CABCOCO1: variants seen among roughly 807,000 people sequenced by gnomAD.
CABCOCO1 encodes the protein ciliary-associated calcium-binding coiled-coil protein 1.
Under a neutral mutation model 35.7 loss-of-function variants are expected in CABCOCO1, and 28 were observed. The ratio of observed to expected loss-of-function variants is 0.78; its 90% confidence interval spans 0.58 to 1.07. CABCOCO1 has a LOEUF of 1.07. CABCOCO1 is among the 50% of genes least tolerant of loss of function. The pLI is 0.00. For missense variants in CABCOCO1, 326 were observed against 309.2 expected (o/e 1.05, Z -0.41); for synonymous variants, 95 against 100.1 (o/e 0.95, Z 0.30).
At chr10:61,761,104 G>C in intron 7 of CABCOCO1, 101 bp downstream of exon 7, 1 of 1,251,120 alleles carries the variant, frequency 8.0e-7, no homozygotes. Flanking sequence ...CAGCATGAGC[G>C]ATGCTTATGA....
chr10:61,664,233 C>A (rs1270905263), intron 1 of CABCOCO1, among the ~76,000 whole-genome samples: 4 of 152,096 alleles, frequency 2.6e-5, no homozygotes, highest in Non-Finnish European at 5.9e-5. Flanking sequence ...GTAAGTAATA[C>A]AATTTCAAAA....
At chr10:61,674,996 C>T (rs1178662734) in intron 2 of CABCOCO1, among the ~76,000 whole-genome samples, 1 of 152,082 alleles carries the variant, frequency 6.6e-6, no homozygotes, top group African/African-American at 2.4e-5. Flanking sequence ...CTATTTAGCT[C>T]TTGCCTTGAG....
chr10:61,685,222 A>G (rs931902408), intron 3 of CABCOCO1: 1 of 152,200 alleles, frequency 6.6e-6, no homozygotes, highest in African/African-American at 2.4e-5. Context: ...TCCATTGAAA[A>G]TCTTCAGACC....
intron 2 of CABCOCO1, among the ~76,000 whole-genome samples, chr10:61,676,356 T>C (rs1330581162): frequency 3.9e-5 from 6 of 152,196 alleles, no homozygotes; most frequent in Admixed American, 3.9e-4. Context: ...TAAGTATGGA[T>C]CATTTAAAAT....
chr10:61,673,506 G>A (rs966046612), intron 2 of CABCOCO1, among the ~76,000 whole-genome samples: 1 of 152,176 alleles, frequency 6.6e-6, no homozygotes, highest in African/African-American at 2.4e-5. Context: ...CACAAACAGG[G>A]TGTCGTGGAC....
rs1259190997 is a variant in CABCOCO1, at chr10:61,760,107, C to A, written c.601C>A (p.Leu201Met). 1 of 1,612,608 alleles carries A rather than the reference C, an allele frequency of 6.2e-7. No individual in the cohort carries two copies. ...TGCATGTGGCCCTTTCCCAAATCCT[C>A]TGGAAGAAGGAATCTCATTTGATAT... ...KSACGPFPNP[L>M]EEGISFDIYS... The change falls in exon 6 of 8, where the codon CTG (leucine) becomes ATG (methionine). Residue 201 changes from leucine (L) to methionine (M), a missense_variant. Leu to Met is a conservative substitution (Grantham distance 15, BLOSUM62 2). Coordinates refer to ENST00000648843, the MANE Select transcript of CABCOCO1 (RefSeq NM_001366906.2).
chr10:61,696,313 C>T (rs985462361), intron 5 of CABCOCO1, among the ~76,000 whole-genome samples: 13 of 151,738 alleles, frequency 8.6e-5, no homozygotes, highest in African/African-American at 3.1e-4. Flanking sequence ...ACAATAAAAT[C>T]AGCTGAAGTA....
intron 5 of CABCOCO1, among the ~76,000 whole-genome samples, chr10:61,725,491 G>A (rs1384063435): frequency 6.6e-6 from 1 of 151,804 alleles, no homozygotes; most frequent in East Asian, 1.9e-4. Context: ...CCATCATTCT[G>A]AGCAAACTAT....
At chr10:61,716,122 TAAG>T (rs1840859586) in intron 5 of CABCOCO1, among the ~76,000 whole-genome samples, 2 of 152,188 alleles carry the variant, frequency 1.3e-5, no homozygotes, top group African/African-American at 4.8e-5. Context: ...TATAAAATTA[TAAG>T]AAGTTTTCCT....
intron 7 of CABCOCO1, among the ~76,000 whole-genome samples, chr10:61,764,442 T>C (rs1356376077): frequency 6.6e-6 from 1 of 152,072 alleles, no homozygotes; most frequent in East Asian, 1.9e-4. Context: ...GAATTATGAA[T>C]TCAAAAACTA....
At chr10:61,708,614 C>T (rs1840650933) in intron 5 of CABCOCO1, among the ~76,000 whole-genome samples, 1 of 152,020 alleles carries the variant, frequency 6.6e-6, no homozygotes, top group African/African-American at 2.4e-5. Flanking sequence ...GAACAAACTC[C>T]CTTTGGCTTC....
intron 1 of CABCOCO1, among the ~76,000 whole-genome samples, chr10:61,665,914 T>C (rs1839158968): frequency 6.6e-6 from 1 of 151,312 alleles, no homozygotes; most frequent in Admixed American, 6.6e-5. Context: ...ATCTAGGGAA[T>C]TGAATCATAA....
At chr10:61,723,292 T>A (rs1841067191) in intron 5 of CABCOCO1, among the ~76,000 whole-genome samples, 1 of 152,256 alleles carries the variant, frequency 6.6e-6, no homozygotes, top group Non-Finnish European at 1.5e-5. Context: ...TTCTCACACA[T>A]TACTGATAGG....
At chr10:61,723,123 A>G (rs1201713541) in intron 5 of CABCOCO1, among the ~76,000 whole-genome samples, 1 of 152,214 alleles carries the variant, frequency 6.6e-6, no homozygotes, top group African/African-American at 2.4e-5. Context: ...ATTCAGCAAC[A>G]CTTTAAAAGA....
intron 5 of CABCOCO1, among the ~76,000 whole-genome samples, chr10:61,711,461 C>G (rs1309484778): frequency 4.0e-5 from 6 of 151,826 alleles, no homozygotes; most frequent in Non-Finnish European, 8.8e-5. Context: ...TGTTTATATA[C>G]TTAACAGAGA....
intron 5 of CABCOCO1, among the ~76,000 whole-genome samples, chr10:61,720,917 CTTT>C (rs71018996): frequency 1.2e-4 from 8 of 65,970 alleles, no homozygotes; most frequent in Non-Finnish European, 9.1e-5. Context: ...TCTTTTCATT[CTTT>C]TTTTTTTTTT....
intron 1 of CABCOCO1, among the ~76,000 whole-genome samples, chr10:61,668,944 T>A (rs996833268): frequency 6.7e-6 from 1 of 148,926 alleles, no homozygotes; most frequent in Admixed American, 7.0e-5. Context: ...TACTGTTTTT[T>A]CCTTTTGCTT....
intron 5 of CABCOCO1, among the ~76,000 whole-genome samples, chr10:61,715,441 A>T (rs1257446917): frequency 6.6e-6 from 1 of 152,098 alleles, no homozygotes; most frequent in Non-Finnish European, 1.5e-5. Flanking sequence ...AATACAGCAC[A>T]CTGATGGGTC....
chr10:61,716,374 A>G (rs1840866324), intron 5 of CABCOCO1, among the ~76,000 whole-genome samples: 1 of 152,136 alleles, frequency 6.6e-6, no homozygotes, highest in Non-Finnish European at 1.5e-5. Flanking sequence ...TGCATTGGTT[A>G]AAGCAGTCAC....
Sources: allele counts gnomAD v4.1 joint callset (sites outside exome capture counted in the v4.1 genomes callset), GRCh38; gene constraint gnomAD v4.1.1; transcripts MANE v1.5; gene names NCBI Gene and HGNC (gene_info 2026-07-23, HGNC 2026-07-21).